The following EPG5 variants were observed in gnomAD, a reference collection of about 807,000 sequenced individuals.
EPG5 encodes ectopic P-granules 5 autophagy tethering factor.
EPG5 carries 159 observed loss-of-function variants against 302.7 expected under a neutral mutation model. The observed-to-expected ratio is 0.53, with a 90% CI of 0.46 to 0.60. The LOEUF is 0.60. EPG5 is among the 20% of genes least tolerant of loss of function. The pLI is 0.00. For missense variants in EPG5, 2,896 were observed against 3,092.4 expected (o/e 0.94, Z 1.51); for synonymous variants, 1,158 against 1,136.8 (o/e 1.02, Z -0.37).
At chr18:45,897,222 G>A (rs2049499013) in intron 27 of EPG5, among the ~76,000 whole-genome samples, 1 of 152,162 alleles carries the variant, frequency 6.6e-6, no homozygotes, top group Non-Finnish European at 1.5e-5. Context: ...CTTTAGCTGA[G>A]GCAGTAAATA....
At position 45,954,667 on chromosome 18, in the gene EPG5, T is replaced by A. The variant is rs376018044; in HGVS notation, c.735A>T (p.Glu245Asp). 27 of 1,613,988 alleles carry A rather than the reference T, an allele frequency of 1.7e-5. No individual in the cohort carries two copies. The highest frequency in any genetic ancestry group is 1.9e-5 in the Non-Finnish European group (23 of 1,180,032). Residue 245 changes from glutamate to aspartate, a missense_variant, in exon 2 of 44, where the codon GAA (glutamate) becomes GAT (aspartate). Around this residue, in one of 5 missense-constraint regions of EPG5, gnomAD observed 1,390 missense variants for 1,430.0 expected, o/e 0.97. Transcript: ENST00000282041. ...GTACTAGTTCCAGTTGAGACGGGAG[T>A]TCTGGGTAGAGTCGCTCACTGCGAA... ...PLLRSERLYP[E>D]LPSQLELVPF...
chr18:45,950,962 G>T, intron 4 of EPG5, 140 bp downstream of exon 4: 1 of 550,582 alleles, frequency 1.8e-6, no homozygotes, highest in Non-Finnish European at 2.8e-6. Flanking sequence ...CATGTATCAT[G>T]ATCAAAGAAA....
chr18:45,906,180 G>A (rs984425946), intron 24 of EPG5, among the ~76,000 whole-genome samples: 2 of 152,004 alleles, frequency 1.3e-5, no homozygotes, highest in Admixed American at 6.5e-5. Context: ...CCTCTTCCAG[G>A]GTTTATCTCT....
Position 45,858,726 on chromosome 18 carries a change from C to G in EPG5, c.7066G>C (p.Glu2356Gln), listed in dbSNP as rs754517519. 1.2e-6 allele frequency: 2 copies of G among 1,614,068 alleles called. No homozygotes were observed. Among genetic ancestry groups the G allele is most frequent in the Non-Finnish European group, 1.7e-6 (2 of 1,180,006 alleles). Reference sequence around the variant, plus strand: ...TGCAGGAACTCTTCCATGGTGAGCTCGGGAACCTGAAGGGATACCAGAATG... The same window carrying G: ...TGCAGGAACTCTTCCATGGTGAGCTGGGGAACCTGAAGGGATACCAGAATG... ...GPILVSLQVPELTMEEFLQEC... is the reference protein window; with the variant it reads ...GPILVSLQVPQLTMEEFLQEC... Residue 2356 changes from glutamate (E) to glutamine (Q), a missense_variant, in exon 41 of 44, where the codon GAG becomes CAG. Around this residue, in one of 5 missense-constraint regions of EPG5, gnomAD observed 620 missense variants for 704.2 expected, o/e 0.88. Coordinates refer to ENST00000282041, the MANE Select transcript of EPG5 (RefSeq NM_020964.3).
chr18:45,937,233 T>TACACAC (rs1289632590), intron 10 of EPG5, among the ~76,000 whole-genome samples: 26 of 76,302 alleles, frequency 3.4e-4, no homozygotes, highest in African/African-American at 1.2e-3. Context: ...TATACATATA[T>TACACAC]ATACACACAC....
intron 22 of EPG5, 130 bp from the exon 23 acceptor site, chr18:45,910,872 T>C: frequency 3.1e-6 from 2 of 642,804 alleles, no homozygotes; most frequent in South Asian, 2.2e-5. Flanking sequence ...TTAACACCTA[T>C]TATTTCTACC....
At chr18:45,815,333 A>C in the EPG5 span, among the ~76,000 whole-genome samples, 2 of 152,178 alleles carry the variant, frequency 1.3e-5, no homozygotes, top group African/African-American at 4.8e-5. Context: ...AGAACTCACT[A>C]CAAGTTATTT....
At chr18:45,952,289 A>C in intron 3 of EPG5, 111 bp downstream of exon 3, 1 of 1,338,606 alleles carries the variant, frequency 7.5e-7, no homozygotes, top group African/African-American at 1.5e-5. Flanking sequence ...AACTGCAAGC[A>C]CAAATGGTAC....
Position 45,878,401 on chromosome 18 carries a change from T to A in EPG5, c.5917A>T (p.Ile1973Phe). The A allele has an allele frequency of 6.2e-7, 1 of 1,612,652 alleles. No homozygotes were observed. The highest frequency in any genetic ancestry group is 1.7e-4 in the Middle Eastern group (1 of 6,054). Residue 1973 changes from isoleucine (I) to phenylalanine (F), a missense_variant, in exon 34 of 44, where the codon ATC becomes TTC. Transcript: ENST00000282041. ...SVIIQLFKPW[I>F]LVLEDNESSQ... is the part of the protein sequence containing the mutation. ...CTTTCGTTGTCCTCTAAAACCAGGA[T>A]CCATGGCTTAAAGAGCTGAATGATT... is the stretch of plus-strand genomic sequence containing the variant.
At chr18:45,887,487 G>A (rs1280663616) in intron 29 of EPG5, among the ~76,000 whole-genome samples, 1 of 152,178 alleles carries the variant, frequency 6.6e-6, no homozygotes, top group East Asian at 1.9e-4. Context: ...TACTGTTATT[G>A]TTAAGAACAC....
rs2049927775 is a variant in EPG5 at position 45,912,449 on chromosome 18, T to C, written c.3824A>G (p.Gln1275Arg). 6.3e-7 allele frequency: 1 copy of C among 1,591,520 alleles called. No homozygotes were observed. Among genetic ancestry groups the C allele is most frequent in the East Asian group, 2.3e-5 (1 of 44,164 alleles). ...FTPDQALKKA[Q>R]TQLKLPIVPS... ...CACGATGGGGAGCTTCAGCTGGGTC[T>C]GGGCTTTCTACAAAAAAGAAAGGGC... The change falls in exon 22 of 44, where the codon CAG (glutamine) becomes CGG (arginine). Residue 1275 changes from glutamine to arginine, a missense_variant. By Grantham distance (43) the Gln-to-Arg change is conservative. Transcript: ENST00000282041.
intron 2 of EPG5, among the ~76,000 whole-genome samples, 164 bp from the exon 3 acceptor site, chr18:45,952,807 T>C (rs900665999): frequency 1.3e-5 from 2 of 152,124 alleles, no homozygotes; most frequent in African/African-American, 2.4e-5. Context: ...AGCAAATATA[T>C]GATCAGGTGC....
At chr18:45,903,830 T>C (rs2049681614) in intron 25 of EPG5, 143 bp downstream of exon 25, 2 of 799,772 alleles carry the variant, frequency 2.5e-6, no homozygotes, top group South Asian at 2.2e-5. Flanking sequence ...TACACCATTG[T>C]GTAAGTCAAC....
At position 45,951,108 on chromosome 18, in the gene EPG5, C is replaced by A; in HGVS notation, c.1383G>T (p.Gln461His). ...QFHDDILLWL[Q>H]KLVSVLQRVG... The stretch of plus-strand genomic sequence containing the variant: ...TCTATCTCTGTCCCCTTACCAATTT[C>A]TGCAGCCAGAGAAGAATATCATCAT... Residue 461 changes from glutamine (Q) to histidine (H), a missense_variant, in exon 4 of 44, where the codon CAG (glutamine) becomes CAT (histidine). Physicochemically the swap from Gln to His is conservative, Grantham distance 24. Coordinates refer to ENST00000282041, the MANE Select transcript of EPG5 (RefSeq NM_020964.3). 6.4e-7 allele frequency: 1 copy of A among 1,569,444 alleles called. No homozygotes were observed. Among genetic ancestry groups the A allele is most frequent in the Non-Finnish European group, 8.6e-7 (1 of 1,161,030 alleles).
rs11367037 is a variant in EPG5 at position 45,951,461 on chromosome 18, ATTT to A, written c.1253-226_1253-224del. 0.12 allele frequency among the ~76,000 whole-genome samples: 17,105 copies of A among 144,896 alleles called. 1,275 individuals carry two copies. The highest frequency in any genetic ancestry group is 0.22 in the African/African-American group (8,709 of 39,574). ...TAATGGAAAAATCAACCTCATCATA[ATTT>A]TTTTTTTTTTTTTGACACAGCCTCC... On this transcript the variant is annotated intron_variant, in intron 3 of 43. Coordinates refer to ENST00000282041, the MANE Select transcript of EPG5 (RefSeq NM_020964.3).
intron 13 of EPG5, among the ~76,000 whole-genome samples, chr18:45,927,296 C>T (rs2050294511): frequency 6.6e-6 from 1 of 152,180 alleles, no homozygotes. Context: ...GCCTCGGCCT[C>T]CCGAAGTGCT....
intron 28 of EPG5, among the ~76,000 whole-genome samples, chr18:45,888,365 G>A (rs572336551): frequency 4.0e-5 from 6 of 151,762 alleles, no homozygotes; most frequent in East Asian, 3.9e-4. Context: ...GTGCAATGGC[G>A]CAATCTCAGC....
At position 45,867,584 on chromosome 18, in the gene EPG5, T is replaced by G; in HGVS notation, c.6390A>C (p.Glu2130Asp). ...TTACTGTTTGGTCTACCAGTTGAACTTCCTTTGCCAATAAAATCATCATGA... is the reference window on the plus strand; with the variant it reads ...TTACTGTTTGGTCTACCAGTTGAACGTCCTTTGCCAATAAAATCATCATGA... ...LLFMMILLAKEVQLVDQTDSP... is the reference protein window; with the variant it reads ...LLFMMILLAKDVQLVDQTDSP... The change falls in exon 37 of 44, where the codon GAA becomes GAC. Residue 2130 changes from glutamate (E) to aspartate (D), a missense_variant. Physicochemically the swap from Glu to Asp is conservative, Grantham distance 45. Coordinates refer to ENST00000282041, the MANE Select transcript of EPG5 (RefSeq NM_020964.3). The G allele has an allele frequency of 3.1e-6, 5 of 1,614,030 alleles. No individual in the cohort carries two copies. The highest frequency in any genetic ancestry group is 4.2e-6 in the Non-Finnish European group (5 of 1,179,982).
intron 17 of EPG5, among the ~76,000 whole-genome samples, chr18:45,917,102 G>C (rs115269409): frequency 6.6e-6 from 1 of 152,252 alleles, no homozygotes; most frequent in East Asian, 1.9e-4. Flanking sequence ...ACACATAACA[G>C]GAAAACTGTA....
Sources: gnomAD v4.1 joint callset for allele counts (sites outside exome capture counted in the v4.1 genomes callset) on GRCh38, gnomAD v4.1.1 for gene constraint, gnomAD v4.1.1 regional missense constraint, MANE v1.5 for transcripts, NCBI Gene and HGNC (gene_info 2026-07-23, HGNC 2026-07-21) for gene names.